Variants in TFAP2E observed in about 807,000 individuals in gnomAD.
The protein encoded by TFAP2E is transcription factor AP-2-epsilon.
A neutral mutation model predicts 37.9 loss-of-function variants in TFAP2E; 30 were observed. That is an observed-to-expected ratio of 0.79 (90% CI 0.59 to 1.07). TFAP2E has a LOEUF of 1.07. Ranked by LOEUF, TFAP2E falls within the 50% of genes least tolerant of loss-of-function variation. TFAP2E has a pLI of 0.00. For synonymous variants in TFAP2E, 318 were observed against 295.8 expected (o/e 1.08, Z -0.77); for missense variants, 567 against 637.9 (o/e 0.89, Z 1.20).
chr1:35,575,079 C>T (rs553127439), intron 3 of TFAP2E, 79 bp downstream of exon 3: 457 of 1,578,632 alleles, frequency 2.9e-4, no homozygotes, highest in Non-Finnish European at 3.7e-4. Flanking sequence ...CTTCACCGGC[C>T]GTGCCTCCTG....
In TFAP2E at chr1:35,588,687, C is replaced by T; in HGVS notation, c.785+135C>T. The stretch of plus-strand genomic sequence containing the variant: ...TCCCTGGGAGGGGAGGCCCCGGGGA[C>T]TCTGGATTGTGCATGTTGTGGGGGC... On this transcript the variant is annotated intron_variant, in intron 4 of 6. Transcript: ENST00000373235. This position sits in a 1 kb window ranked among gnomAD's most constrained non-coding sequence, Gnocchi z 5.1. 1.5e-5 allele frequency: 14 copies of T among 939,562 alleles called. No homozygotes were observed. Among genetic ancestry groups the T allele is most frequent in the Non-Finnish European group, 2.0e-5 (13 of 660,438 alleles). 58.2% of individuals were successfully genotyped at this position (939,562 alleles called of 1,614,324 possible).
At chr1:35,579,156 G>A (rs1454164309) in intron 3 of TFAP2E, among the ~76,000 whole-genome samples, 1 of 150,162 alleles carries the variant, frequency 6.7e-6, no homozygotes. Flanking sequence ...AGCACTTTGG[G>A]AGGCCGAGGC....
chr1:35,575,080 G>A (rs1332268234), intron 3 of TFAP2E, 80 bp downstream of exon 3: 14 of 1,570,228 alleles, frequency 8.9e-6, no homozygotes, highest in South Asian at 3.3e-5. Flanking sequence ...TTCACCGGCC[G>A]TGCCTCCTGT....
At chr1:35,586,918 C>T (rs1334511586) in intron 3 of TFAP2E, among the ~76,000 whole-genome samples, 3 of 152,188 alleles carry the variant, frequency 2.0e-5, no homozygotes, top group South Asian at 2.1e-4. Context: ...CTAACAGCAC[C>T]GCCTTTGAGA....
intron 3 of TFAP2E, among the ~76,000 whole-genome samples, chr1:35,579,555 C>T (rs565051749): frequency 6.6e-6 from 1 of 152,036 alleles, no homozygotes; most frequent in East Asian, 2.0e-4. Context: ...TCACCACGCC[C>T]AGCTAATTTT....
rs1649087288 is a variant in TFAP2E, at chr1:35,573,976, C to A, written c.77C>A (p.Ser26Tyr). ...GAAAGGARLS[S>Y]LPQAAYGPAP... ...GCTGCCGGCGGGGCCCGCCTGTCGT[C>A]TCTGCCCCAGGCGGCCTACGGGCCG... Residue 26 changes from serine (S) to tyrosine (Y), a missense_variant, in exon 2 of 7, where the codon TCT (serine) becomes TAT (tyrosine). Physicochemically the swap from Ser to Tyr is moderately radical, Grantham distance 144 (BLOSUM62 -2). Coordinates refer to ENST00000373235, the MANE Select transcript of TFAP2E (RefSeq NM_178548.4). The surrounding 1 kb of genome is among the most constrained non-coding windows in gnomAD (Gnocchi z 5.9). The A allele has an allele frequency of 6.7e-7, 1 of 1,485,376 alleles. No individual in the cohort carries two copies. Among genetic ancestry groups the A allele is most frequent in the East Asian group, 2.8e-5 (1 of 35,784 alleles). The allele number at this position is 1,485,376 out of a possible 1,614,324, so 92.0% of individuals were successfully genotyped here. A position where few individuals can be genotyped will look rare whatever the true frequency, so the allele number is the denominator to read the frequency against.
chr1:35,594,011 A>G (rs919845279), intron 6 of TFAP2E, among the ~76,000 whole-genome samples: 6 of 152,164 alleles, frequency 3.9e-5, no homozygotes, highest in African/African-American at 1.4e-4. Context: ...CAGATTCTGG[A>G]TTGTTTCCTG....
rs1045628331 is a variant in TFAP2E at position 35,573,610 on chromosome 1, T to C, written c.27+6T>C. 6.5e-7 allele frequency: 1 copy of C among 1,538,942 alleles called. No individual in the cohort carries two copies. Among genetic ancestry groups the C allele is most frequent in the African/African-American group, 1.4e-5 (1 of 71,406 alleles). ...TGCACACCTACTCCGCCATGGTGAG[T>C]AGTCTCGGGCCCGGGACATATTCGG... On this transcript the variant is annotated splice_donor_region_variant and intron_variant, in intron 1 of 6. Coordinates refer to ENST00000373235, the MANE Select transcript of TFAP2E (RefSeq NM_178548.4). The surrounding 1 kb of genome is among the most constrained non-coding windows in gnomAD (Gnocchi z 5.9).
chr1:35,594,617 G>A lies in TFAP2E; in HGVS notation c.1270G>A (p.Val424Met), dbSNP rs1172597589. Reference protein sequence around the residue: ...KGLDKMFLSSVGSGHGETKAS... With the variant: ...KGLDKMFLSSMGSGHGETKAS... ...GCTGGACAAGATGTTTCTAAGCAGT[G>A]TGGGCAGTGGGCATGGTGAAACCAA... Residue 424 changes from valine (V) to methionine (M), a missense_variant, in exon 7 of 7, where the codon GTG (valine) becomes ATG (methionine). Physicochemically the swap from Val to Met is conservative, Grantham distance 21. Around this residue, in one of 3 missense-constraint regions of TFAP2E, gnomAD observed 252 missense variants for 302.6 expected, o/e 0.83. Coordinates refer to ENST00000373235, the MANE Select transcript of TFAP2E (RefSeq NM_178548.4). 1.9e-6 allele frequency: 3 copies of A among 1,614,108 alleles called. No individual in the cohort carries two copies. Among genetic ancestry groups the A allele is most frequent in the African/African-American group, 1.3e-5 (1 of 74,934 alleles).
Position 35,594,694 on chromosome 1 carries a change from T to C in TFAP2E, c.*18T>C. On this transcript the variant is annotated 3_prime_UTR_variant, in exon 7 of 7. Transcript: ENST00000373235. ...GGAAATAACTGCTTCTCCCACCCCA[T>C]CCCTAAGGGGCTCCCAGGCCCTGAA... The C allele has an allele frequency of 6.2e-7, 1 of 1,612,948 alleles. No homozygotes were observed. The highest frequency in any genetic ancestry group is 8.5e-7 in the Non-Finnish European group (1 of 1,179,976).
chr1:35,589,766 T>C (rs1015911391), intron 4 of TFAP2E, among the ~76,000 whole-genome samples, 164 bp from the exon 5 acceptor site: 1 of 151,994 alleles, frequency 6.6e-6, no homozygotes, highest in African/African-American at 2.4e-5. Flanking sequence ...ACCATGGAGA[T>C]TAGTTGCGCC....
At chr1:35,582,976 C>T (rs1215740181) in intron 3 of TFAP2E, among the ~76,000 whole-genome samples, 1 of 151,938 alleles carries the variant, frequency 6.6e-6, no homozygotes, top group Non-Finnish European at 1.5e-5. Flanking sequence ...TATCTCAGCT[C>T]ACTGCAACTT....
chr1:35,583,449 G>C (rs914716158), intron 3 of TFAP2E, among the ~76,000 whole-genome samples: 1 of 152,026 alleles, frequency 6.6e-6, no homozygotes, highest in African/African-American at 2.4e-5. Context: ...GGCCTTCCAT[G>C]TTTTCTTCTA....
chr1:35,580,579 T>G (rs971711457), intron 3 of TFAP2E, among the ~76,000 whole-genome samples: 1 of 151,762 alleles, frequency 6.6e-6, no homozygotes, highest in Non-Finnish European at 1.5e-5. Context: ...GCAAACACGG[T>G]GAAACCCCAT....
Position 35,588,957 on chromosome 1 carries a change from C to T in TFAP2E, c.785+405C>T, listed in dbSNP as rs1050120827. Among the ~76,000 whole-genome samples, 1 of 152,108 alleles carries T rather than the reference C, an allele frequency of 6.6e-6. No homozygotes were observed. The highest frequency in any genetic ancestry group is 2.4e-5 in the African/African-American group (1 of 41,392). On this transcript the variant is annotated intron_variant, in intron 4 of 6. Coordinates refer to ENST00000373235, the MANE Select transcript of TFAP2E (RefSeq NM_178548.4). This position sits in a 1 kb window ranked among gnomAD's most constrained non-coding sequence, Gnocchi z 5.1. The stretch of plus-strand genomic sequence containing the variant: ...TTTTGGGGTGTGGAGCATGGTAGTC[C>T]ATGGTTCATCTTCCTAGACCTGTGT...
chr1:35,582,042 A>G lies in TFAP2E; in HGVS notation c.563-6288A>G, dbSNP rs559544545. On this transcript the variant is annotated intron_variant, in intron 3 of 6. Transcript: ENST00000373235. ...AGGCACGCACCACCACACCCAGCTA[A>G]TTTTTGTATTTTTAGTTGAGACGGG... Among the ~76,000 whole-genome samples, 9 of 151,816 alleles carry G rather than the reference A, an allele frequency of 5.9e-5. No homozygotes were observed. In the South Asian group the frequency reaches 8.3e-4, roughly 14 times the overall value.
At chr1:35,591,747 C>T (rs1023569423) in intron 6 of TFAP2E, among the ~76,000 whole-genome samples, 4 of 152,130 alleles carry the variant, frequency 2.6e-5, no homozygotes, top group South Asian at 2.1e-4. Flanking sequence ...AGTGCAGTGG[C>T]GCAATCTCAG....
At chr1:35,574,835 C>T (rs1488921581) in intron 2 of TFAP2E, 114 bp from the exon 3 acceptor site, 20 of 1,453,722 alleles carry the variant, frequency 1.4e-5, no homozygotes, top group Non-Finnish European at 1.8e-5. Context: ...CCGCCCCAAG[C>T]GAAGCTGGTG....
chr1:35,585,755 A>C (rs1039469618), intron 3 of TFAP2E, among the ~76,000 whole-genome samples: 2 of 152,174 alleles, frequency 1.3e-5, no homozygotes, highest in African/African-American at 2.4e-5. Flanking sequence ...TTTACTGTTT[A>C]AAATGTGGGC....
Sources: gnomAD v4.1 joint callset for allele counts (sites outside exome capture counted in the v4.1 genomes callset) on GRCh38, gnomAD v4.1.1 for gene constraint, gnomAD v4.1.1 regional missense constraint, Gnocchi (gnomAD v3.1) non-coding constraint, MANE v1.5 for transcripts, NCBI Gene and HGNC (gene_info 2026-07-23, HGNC 2026-07-21) for gene names.